ANK2: variants seen among roughly 807,000 people sequenced by gnomAD.
The protein encoded by ANK2 is ankyrin-2.
A neutral mutation model predicts 360.5 loss-of-function variants in ANK2; 83 were observed. That is an observed-to-expected ratio of 0.23 (90% confidence interval 0.19 to 0.28). The LOEUF (loss-of-function observed/expected upper bound fraction) is 0.28, where lower values mean the gene tolerates loss of function less well. Among genes scored for constraint, ANK2 ranks in the 10% least tolerant of loss-of-function variants. The pLI, the probability that ANK2 is intolerant of heterozygous loss-of-function variation, is 1.00. For synonymous variants in ANK2, 1,740 were observed against 1,759.5 expected (o/e 0.99, Z 0.28); for missense variants, 4,201 against 4,795.7 (o/e 0.88, Z 3.66).
chr4:113,245,529 G>C (rs2042377298), intron 9 of ANK2, among the ~76,000 whole-genome samples: 2 of 152,126 alleles, frequency 1.3e-5, no homozygotes, highest in African/African-American at 4.8e-5. Flanking sequence ...TGGCAGGAGA[G>C]AGAAATAAGT....
intron 13 of ANK2, among the ~76,000 whole-genome samples, chr4:113,261,101 A>T (rs774258527): frequency 6.6e-6 from 1 of 152,218 alleles, no homozygotes; most frequent in Non-Finnish European, 1.5e-5. Flanking sequence ...GGACATGAGC[A>T]TACCCATTCT....
In ANK2 at chr4:113,366,540, A is replaced by G. The variant is rs2096545116; in HGVS notation, c.11033-1026A>G. 2.0e-5 allele frequency among the ~76,000 whole-genome samples: 3 copies of G among 151,654 alleles called. 1 individual carries two copies. In the South Asian group the frequency reaches 6.3e-4, roughly 32 times the overall value. Reference sequence around the variant, plus strand: ...CATCTCCCACCTCTGTCTCTATCGCACTGGTCCTGCACGCCTGGCCTCCTT... The same window carrying G: ...CATCTCCCACCTCTGTCTCTATCGCGCTGGTCCTGCACGCCTGGCCTCCTT... On this transcript the variant is annotated intron_variant, in intron 41 of 45. Coordinates refer to ENST00000357077, the MANE Select transcript of ANK2 (RefSeq NM_001148.6).
At chr4:113,277,576 A>T (rs2153697428) in intron 15 of ANK2, among the ~76,000 whole-genome samples, 1 of 152,294 alleles carries the variant, frequency 6.6e-6, no homozygotes, top group East Asian at 1.9e-4. Flanking sequence ...GCTTTTAAAA[A>T]TCCCAAACCT....
chr4:113,090,405 T>C (rs1581254710), intron 1 of ANK2, among the ~76,000 whole-genome samples: 1 of 152,184 alleles, frequency 6.6e-6, no homozygotes, highest in Non-Finnish European at 1.5e-5. Flanking sequence ...TGATTACTTC[T>C]TTTTTTAAGG....
chr4:113,169,487 T>C (rs952906658), intron 1 of ANK2, among the ~76,000 whole-genome samples: 1 of 152,306 alleles, frequency 6.6e-6, no homozygotes, highest in African/African-American at 2.4e-5. Context: ...GAATGACTGC[T>C]TCCTAAGAAA....
Position 113,357,354 on chromosome 4 carries a change from C to A in ANK2, c.8736C>A (p.Asp2912Glu). 1.9e-6 allele frequency: 3 copies of A among 1,614,042 alleles called. No individual in the cohort carries two copies. The highest frequency in any genetic ancestry group is 2.5e-6 in the Non-Finnish European group (3 of 1,179,976). ...TTTCCATGGATGTTCCCGTGTCTGA[C>A]CTAGCTGAGAATGATGAAATCTATG... Reference protein sequence around the residue: ...DRFSMDVPVSDLAENDEIYDP... With the variant: ...DRFSMDVPVSELAENDEIYDP... The change falls in exon 38 of 46, where the codon GAC becomes GAA. Residue 2912 changes from aspartate (D) to glutamate (E), a missense_variant. Asp to Glu is a conservative substitution (Grantham distance 45, BLOSUM62 2). Coordinates refer to ENST00000357077, the MANE Select transcript of ANK2 (RefSeq NM_001148.6).
chr4:113,240,774 G>A (rs1024022941), intron 8 of ANK2, among the ~76,000 whole-genome samples, 191 bp downstream of exon 8: 1 of 152,100 alleles, frequency 6.6e-6, no homozygotes, highest in Non-Finnish European at 1.5e-5. Flanking sequence ...CAGAAAATAA[G>A]AATGTTGTAA....
the ANK2 span, among the ~76,000 whole-genome samples, chr4:112,725,190 G>T: frequency 1.3e-5 from 2 of 149,386 alleles, no homozygotes. Flanking sequence ...GCTGAGGCAG[G>T]AGAATTGCTT....
rs185418214 is a variant in ANK2, at chr4:113,251,608, G to T, written c.990+1746G>T. ...CACCATTCTCTTGCCTCAGCCTCCCGAGTAGCTGGAACTACAGGCGCCCAC... is the reference window on the plus strand; with the variant it reads ...CACCATTCTCTTGCCTCAGCCTCCCTAGTAGCTGGAACTACAGGCGCCCAC... On this transcript the variant is annotated intron_variant, in intron 10 of 45. Transcript: ENST00000357077. 6.8e-3 allele frequency among the ~76,000 whole-genome samples: 980 copies of T among 144,144 alleles called. 6 individuals carry two copies. The highest frequency in any genetic ancestry group is 9.3e-3 in the African/African-American group (360 of 38,516). The allele number at this position is 144,144 out of a possible 152,430, so 94.6% of individuals were successfully genotyped here. A position where few individuals can be genotyped will look rare whatever the true frequency, so the allele number is the denominator to read the frequency against.
intron 37 of ANK2, among the ~76,000 whole-genome samples, chr4:113,351,494 A>G (rs1313766601): frequency 2.0e-5 from 3 of 152,204 alleles, no homozygotes; most frequent in African/African-American, 7.2e-5. Flanking sequence ...GTAAATTCAC[A>G]TACTGTATCT....
intron 1 of ANK2, among the ~76,000 whole-genome samples, chr4:113,056,362 A>G (rs2069807430): frequency 6.6e-6 from 1 of 152,144 alleles, no homozygotes; most frequent in Admixed American, 6.6e-5. Context: ...AAAGTTTCTA[A>G]AGAGACATTT....
chr4:113,281,032 C>T (rs1338318285), intron 17 of ANK2, among the ~76,000 whole-genome samples: 1 of 152,068 alleles, frequency 6.6e-6, no homozygotes, highest in Non-Finnish European at 1.5e-5. Context: ...GGCTTCCAAG[C>T]TGAATTTCCT....
At chr4:112,982,152 A>C (rs919042229) in intron 2 of ANK2, among the ~76,000 whole-genome samples, 2 of 152,206 alleles carry the variant, frequency 1.3e-5, no homozygotes, top group Admixed American at 6.5e-5. Flanking sequence ...ATTAAAAAAG[A>C]GTTTGGAAAT....
chr4:112,933,719 C>G (rs562243900), intron 2 of ANK2, among the ~76,000 whole-genome samples: 21 of 152,192 alleles, frequency 1.4e-4, no homozygotes, highest in African/African-American at 4.8e-4. Flanking sequence ...AGGCTGGTCT[C>G]GAACTCCTGA....
intron 1 of ANK2, chr4:112,827,662 A>G: frequency 1.4e-6 from 1 of 715,652 alleles, no homozygotes; most frequent in Non-Finnish European, 2.4e-6. Context: ...AGACACAAAG[A>G]GCATTGTTGC....
chr4:112,847,380 A>G (rs531218773), intron 1 of ANK2, among the ~76,000 whole-genome samples: 47 of 152,188 alleles, frequency 3.1e-4, no homozygotes, highest in Middle Eastern at 6.8e-3. Context: ...ATTCTTCTTT[A>G]TATCTTACTC....
the ANK2 span, among the ~76,000 whole-genome samples, chr4:112,711,512 C>T: frequency 2.6e-3 from 399 of 151,216 alleles, 1 homozygote; most frequent in Non-Finnish European, 1.9e-3. Flanking sequence ...GACAGTGAGA[C>T]CCTGTCCAAG....
intron 1 of ANK2, among the ~76,000 whole-genome samples, chr4:112,885,845 T>A (rs909366226): frequency 1.3e-5 from 2 of 148,974 alleles, no homozygotes; most frequent in Non-Finnish European, 3.0e-5. Context: ...CAGCGCAACC[T>A]TCCATTGACA....
the ANK2 span, among the ~76,000 whole-genome samples, chr4:112,722,893 G>A: frequency 6.6e-6 from 1 of 152,156 alleles, no homozygotes; most frequent in East Asian, 1.9e-4. Context: ...GAGCCCAGGA[G>A]TTTGAGGCTG....
Sources: gnomAD v4.1 joint callset for allele counts (sites outside exome capture counted in the v4.1 genomes callset) on GRCh38, gnomAD v4.1.1 for gene constraint, MANE v1.5 for transcripts, NCBI Gene and HGNC (gene_info 2026-07-23, HGNC 2026-07-21) for gene names.